PLEKHM3: variants seen among roughly 807,000 people sequenced by gnomAD.
The protein encoded by PLEKHM3 is pleckstrin homology domain containing M3, also known as pleckstrin homology domain-containing family M member 3.
PLEKHM3 carries 45 observed loss-of-function variants against 81.8 expected under a neutral mutation model. The observed-to-expected ratio is 0.55, with a 90% CI of 0.43 to 0.71. The LOEUF (loss-of-function observed/expected upper bound fraction) is 0.71. Among genes scored for constraint, PLEKHM3 ranks in the 30% least tolerant of loss-of-function variants. The pLI is 0.00. For synonymous variants in PLEKHM3, 352 were observed against 356.4 expected (o/e 0.99, Z 0.14); for missense variants, 788 against 924.3 (o/e 0.85, Z 1.91).
At chr2:207,939,836 T>G (rs1041935619) in intron 4 of PLEKHM3, among the ~76,000 whole-genome samples, 5 of 152,124 alleles carry the variant, frequency 3.3e-5, no homozygotes, top group Non-Finnish European at 7.4e-5. Context: ...TTTGAGTTAG[T>G]GTGGTGGGAC....
chr2:208,023,585 CCT>C (rs1228381446), intron 1 of PLEKHM3, among the ~76,000 whole-genome samples: 1 of 152,074 alleles, frequency 6.6e-6, no homozygotes, highest in Non-Finnish European at 1.5e-5. Context: ...GGAGCGCAAA[CCT>C]TATTGTGAAC....
rs750792387 is a variant in PLEKHM3 at position 208,024,971 on chromosome 2, G to A, written c.-319+418C>T. On this transcript the variant is annotated intron_variant, in intron 1 of 7. Coordinates refer to ENST00000427836, the MANE Select transcript of PLEKHM3 (RefSeq NM_001080475.3). ...CCATGCTTGTCATCAGTCATGTGGT[G>A]TCATTTACTATACATTAAAAACGGA... 6.7e-4 allele frequency among the ~76,000 whole-genome samples: 102 copies of A among 152,170 alleles called. 1 individual carries two copies. The highest frequency in any genetic ancestry group is 9.3e-4 in the Non-Finnish European group (63 of 68,038).
chr2:207,883,867 C>T (rs1574368969), intron 6 of PLEKHM3, among the ~76,000 whole-genome samples: 1 of 152,254 alleles, frequency 6.6e-6, no homozygotes, highest in East Asian at 1.9e-4. Flanking sequence ...TGGGATTTCT[C>T]CTGGTAAAGC....
At chr2:207,857,568 A>G (rs1391724916) in intron 7 of PLEKHM3, among the ~76,000 whole-genome samples, 1 of 151,590 alleles carries the variant, frequency 6.6e-6, no homozygotes, top group Non-Finnish European at 1.5e-5. Flanking sequence ...TCATATTTCT[A>G]CTTCTCGTTG....
rs531449952 is a variant in PLEKHM3, at chr2:208,020,641, A to G, written c.-319+4748T>C. 3.3e-5 allele frequency among the ~76,000 whole-genome samples: 5 copies of G among 152,354 alleles called. No individual in the cohort carries two copies. The South Asian group carries it at 1.0e-3, about 32-fold the overall frequency. Reference sequence around the variant, plus strand: ...TTAATTGGCTTGCATCAGAAACTCCAAGCTAGGATGTAGTTCAGTTCCTTA... The same window carrying G: ...TTAATTGGCTTGCATCAGAAACTCCGAGCTAGGATGTAGTTCAGTTCCTTA... On this transcript the variant is annotated intron_variant, in intron 1 of 7. Transcript: ENST00000427836.
intron 3 of PLEKHM3, among the ~76,000 whole-genome samples, chr2:207,964,663 A>T (rs1413479021): frequency 6.6e-6 from 1 of 152,158 alleles, no homozygotes; most frequent in East Asian, 1.9e-4. Flanking sequence ...ACCATAACGA[A>T]CATGGTCAAA....
chr2:207,966,735 A>G (rs1690925385), intron 3 of PLEKHM3, among the ~76,000 whole-genome samples: 1 of 151,718 alleles, frequency 6.6e-6, no homozygotes, highest in Middle Eastern at 3.4e-3. Flanking sequence ...TTTTATGTCT[A>G]GTAGAGATGG....
intron 7 of PLEKHM3, among the ~76,000 whole-genome samples, chr2:207,858,105 A>G (rs774201151): frequency 3.0e-5 from 4 of 131,886 alleles, no homozygotes; most frequent in Non-Finnish European, 4.9e-5. Context: ...ATATTGTCTA[A>G]TTTCCAAATA....
At position 207,822,363 on chromosome 2, in the gene PLEKHM3, G is replaced by A. The variant is rs923099114; in HGVS notation, c.*5956C>T. On this transcript the variant is annotated 3_prime_UTR_variant, in exon 8 of 8. Coordinates refer to ENST00000427836, the MANE Select transcript of PLEKHM3 (RefSeq NM_001080475.3). The stretch of plus-strand genomic sequence containing the variant: ...GTTTGTGTAATTTTGAACCTGAAAA[G>A]GCTAAGTTCACTGACTTTACAGATT... The A allele has an allele frequency of 1.3e-5, 2 of 152,684 alleles. No homozygotes were observed. The highest frequency in any genetic ancestry group is 4.8e-5 in the African/African-American group (2 of 41,454). The allele number at this position is 152,684 out of a possible 1,614,324, so 9.5% of individuals were successfully genotyped here.
chr2:207,971,712 A>G (rs1691127959), intron 3 of PLEKHM3, among the ~76,000 whole-genome samples: 1 of 152,186 alleles, frequency 6.6e-6, no homozygotes, highest in African/African-American at 2.4e-5. Flanking sequence ...ATAGCACCAC[A>G]GATTCCCCAT....
At chr2:207,893,650 T>TAC (rs1490448038) in intron 6 of PLEKHM3, among the ~76,000 whole-genome samples, 2 of 151,954 alleles carry the variant, frequency 1.3e-5, no homozygotes, top group Non-Finnish European at 2.9e-5. Flanking sequence ...CAGTTATAAA[T>TAC]ACACACACAT....
intron 3 of PLEKHM3, among the ~76,000 whole-genome samples, chr2:207,967,522 AT>A (rs1690958716): frequency 6.6e-6 from 1 of 152,230 alleles, no homozygotes; most frequent in African/African-American, 2.4e-5. Flanking sequence ...GTCATTCCGC[AT>A]ATTAGCTCTC....
intron 1 of PLEKHM3, among the ~76,000 whole-genome samples, chr2:208,009,639 C>T (rs1281905798): frequency 1.3e-5 from 2 of 152,164 alleles, no homozygotes; most frequent in African/African-American, 4.8e-5. Flanking sequence ...ACACGCCTAC[C>T]TACTGGACTT....
At position 207,953,400 on chromosome 2, in the gene PLEKHM3, T is replaced by C. The variant is rs550284646; in HGVS notation, c.1547-6888A>G. On this transcript the variant is annotated intron_variant, in intron 3 of 7. Transcript: ENST00000427836. ...TTTCTGTTCATCAGAATTTTTTTTT[T>C]CTGATGGGCTTCGTTTTATGTTCAT... Among the ~76,000 whole-genome samples the C allele has an allele frequency of 6.7e-5, 10 of 149,982 alleles. No homozygotes were observed. In the East Asian group the frequency reaches 1.9e-3, roughly 29 times the overall value.
chr2:207,954,660 A>C lies in PLEKHM3; in HGVS notation c.1547-8148T>G, dbSNP rs778189375. ...GGTTTAAAATGTAAAGCAATTCTAT[A>C]AGCTATTAAGAGTTATTTGGGTTTT... is the stretch of plus-strand genomic sequence containing the variant. On this transcript the variant is annotated intron_variant, in intron 3 of 7. Coordinates refer to ENST00000427836, the MANE Select transcript of PLEKHM3 (RefSeq NM_001080475.3). 7.3e-4 allele frequency among the ~76,000 whole-genome samples: 111 copies of C among 152,352 alleles called. 1 individual carries two copies. The Middle Eastern group carries it at 0.014, about 19-fold the overall frequency.
chr2:207,986,724 G>T (rs1237485840), intron 2 of PLEKHM3, among the ~76,000 whole-genome samples: 1 of 150,020 alleles, frequency 6.7e-6, no homozygotes, highest in Non-Finnish European at 1.5e-5. Flanking sequence ...AAGCTGAAGT[G>T]CAGTGGCATG....
chr2:207,982,242 TC>T (rs1328672588), intron 2 of PLEKHM3, among the ~76,000 whole-genome samples: 2 of 61,692 alleles, frequency 3.2e-5, no homozygotes, highest in African/African-American at 1.3e-4. Context: ...ACTCCCCCCC[TC>T]GCTCCCCCCC....
chr2:207,931,548 T>G (rs1689598671), intron 4 of PLEKHM3, among the ~76,000 whole-genome samples: 1 of 152,206 alleles, frequency 6.6e-6, no homozygotes, highest in Admixed American at 6.5e-5. Flanking sequence ...CCACAATTAT[T>G]TCAAAATAAA....
intron 4 of PLEKHM3, among the ~76,000 whole-genome samples, chr2:207,933,877 C>T (rs562787393): frequency 1.3e-5 from 2 of 152,338 alleles, no homozygotes; most frequent in Admixed American, 6.5e-5. Context: ...ATCCCCACCA[C>T]GTTCAGCCAT....
Sources: allele counts gnomAD v4.1 joint callset (sites outside exome capture counted in the v4.1 genomes callset), GRCh38; gene constraint gnomAD v4.1.1; transcripts MANE v1.5; gene names NCBI Gene and HGNC (gene_info 2026-07-23, HGNC 2026-07-21).